The following TMEM232 variants were observed in gnomAD, a reference collection of about 807,000 sequenced individuals.
The protein encoded by TMEM232 is transmembrane protein 232.
Under a neutral mutation model 78.8 loss-of-function variants are expected in TMEM232, and 80 were observed. That is an observed-to-expected ratio of 1.01 (90% confidence interval 0.85 to 1.22). The LOEUF (loss-of-function observed/expected upper bound fraction) is 1.22. Among genes scored for constraint, TMEM232 ranks in the 50% most tolerant of loss-of-function variants. TMEM232 has a pLI of 0.00. For synonymous variants in TMEM232, 297 were observed against 254.3 expected (o/e 1.17, Z -1.60); for missense variants, 881 against 742.2 (o/e 1.19, Z -2.17).
At chr5:110,486,281 T>C (rs1251961672) in intron 12 of TMEM232, among the ~76,000 whole-genome samples, 3 of 152,302 alleles carry the variant, frequency 2.0e-5, no homozygotes, top group Non-Finnish European at 4.4e-5. Context: ...CTGTTTACTC[T>C]GCTGACTGTT....
At position 110,614,725 on chromosome 5, in the gene TMEM232, T is replaced by G. The variant is rs139229534; in HGVS notation, c.902+3704A>C. Among the ~76,000 whole-genome samples, 1,475 of 152,122 alleles carry G rather than the reference T, an allele frequency of 9.7e-3. 32 individuals carry two copies. The highest frequency in any genetic ancestry group is 0.033 in the African/African-American group (1,377 of 41,554). Reference sequence around the variant, plus strand: ...TTAAAATACAATTTCAGTTATGTTCTAAATCCAGTTAGAGTTTTCCAAGGG... The same window carrying G: ...TTAAAATACAATTTCAGTTATGTTCGAAATCCAGTTAGAGTTTTCCAAGGG... On this transcript the variant is annotated intron_variant, in intron 8 of 13. Transcript: ENST00000455884.
At chr5:110,628,860 T>C (rs1462953489) in intron 5 of TMEM232, 1 of 152,124 alleles carries the variant, frequency 6.6e-6, no homozygotes, top group Non-Finnish European at 1.5e-5. Context: ...CAGGAATGTA[T>C]GTATTGCTCC....
At chr5:110,472,993 G>C (rs1324044068) in intron 12 of TMEM232, among the ~76,000 whole-genome samples, 3 of 151,096 alleles carry the variant, frequency 2.0e-5, no homozygotes, top group Admixed American at 6.6e-5. Context: ...TAGAGTAAAT[G>C]CTATATAATA....
chr5:110,625,879 T>C lies in TMEM232; in HGVS notation c.602-446A>G, dbSNP rs1462493441. 2.6e-5 allele frequency among the ~76,000 whole-genome samples: 4 copies of C among 151,838 alleles called. 1 individual carries two copies. Among genetic ancestry groups the C allele is most frequent in the Non-Finnish European group, 5.9e-5 (4 of 67,848 alleles). On this transcript the variant is annotated intron_variant, in intron 6 of 13. Transcript: ENST00000455884. ...ATTTACAACAATATGTTGTAAATAA[T>C]AAAAACAAGATGTTATTATTTACAA...
intron 12 of TMEM232, among the ~76,000 whole-genome samples, chr5:110,492,632 T>C (rs944751029): frequency 1.3e-5 from 2 of 151,924 alleles, no homozygotes; most frequent in African/African-American, 4.8e-5. Context: ...ATTGCTTCCA[T>C]TCAAAATTTA....
chr5:110,604,216 A>G lies in TMEM232; in HGVS notation c.1276+893T>C, dbSNP rs964597305. On this transcript the variant is annotated intron_variant, in intron 10 of 13. Transcript: ENST00000455884. ...AATATATAAATTGCAATTATTTTTCACAATAAATCTGTAAAGTTTTTTTCA... is the reference window on the plus strand; with the variant it reads ...AATATATAAATTGCAATTATTTTTCGCAATAAATCTGTAAAGTTTTTTTCA... Among the ~76,000 whole-genome samples the G allele has an allele frequency of 1.7e-4, 26 of 152,186 alleles. 1 individual carries two copies. Among genetic ancestry groups the G allele is most frequent in the Admixed American group, 1.3e-3 (20 of 15,254 alleles).
At chr5:110,523,950 G>A (rs182201216) in intron 12 of TMEM232, among the ~76,000 whole-genome samples, 213 of 92,394 alleles carry the variant, frequency 2.3e-3, no homozygotes, top group Non-Finnish European at 3.4e-3. Context: ...CAAAGACTTG[G>A]TTTAAAAAAA....
intron 1 of TMEM232, among the ~76,000 whole-genome samples, chr5:110,668,478 G>A (rs1363093142): frequency 2.0e-5 from 3 of 152,144 alleles, no homozygotes; most frequent in African/African-American, 7.2e-5. Context: ...AAGTACAGGG[G>A]CAAAGTGAAG....
At chr5:110,605,461 T>C in intron 9 of TMEM232, 103 bp from the exon 10 acceptor site, 4 of 1,309,478 alleles carry the variant, frequency 3.1e-6, no homozygotes, top group Non-Finnish European at 2.0e-6. Context: ...AATAAACTAA[T>C]ATATCTAAAT....
At chr5:110,659,521 C>G (rs1789522077) in intron 2 of TMEM232, among the ~76,000 whole-genome samples, 3 of 151,848 alleles carry the variant, frequency 2.0e-5, no homozygotes, top group Non-Finnish European at 2.9e-5. Context: ...TCCTACTTCT[C>G]AAAAAACATG....
chr5:110,732,000 G>A (rs554189481), intron 2 of TMEM232, among the ~76,000 whole-genome samples: 52 of 152,034 alleles, frequency 3.4e-4, no homozygotes, highest in Non-Finnish European at 6.2e-4. Flanking sequence ...TGAATGCCTC[G>A]CTGCTTAGAA....
intron 1 of TMEM232, among the ~76,000 whole-genome samples, chr5:110,677,783 T>C (rs923725819): frequency 5.3e-5 from 8 of 152,198 alleles, no homozygotes; most frequent in Admixed American, 1.3e-4. Flanking sequence ...AAATTTAACA[T>C]TCTTAAATTG....
At chr5:110,599,758 C>T (rs756704165) in intron 10 of TMEM232, among the ~76,000 whole-genome samples, 10 of 152,152 alleles carry the variant, frequency 6.6e-5, no homozygotes, top group East Asian at 5.8e-4. Context: ...GACAGATCAA[C>T]GAGACAGGAA....
chr5:110,719,000 C>T (rs1458202066), intron 1 of TMEM232, among the ~76,000 whole-genome samples: 1 of 151,852 alleles, frequency 6.6e-6, no homozygotes, highest in African/African-American at 2.4e-5. Context: ...AGTTGTAAGG[C>T]GATTTTGCCA....
chr5:110,627,284 G>A (rs1245799743), intron 6 of TMEM232, among the ~76,000 whole-genome samples: 2 of 151,912 alleles, frequency 1.3e-5, no homozygotes, highest in African/African-American at 2.4e-5. Flanking sequence ...TGAAATTCAG[G>A]GAGGTAGATA....
chr5:110,550,435 A>G (rs1370179522), intron 11 of TMEM232, among the ~76,000 whole-genome samples: 1 of 152,152 alleles, frequency 6.6e-6, no homozygotes, highest in East Asian at 1.9e-4. Flanking sequence ...ATAAGATAAG[A>G]AAATGTAAAA....
At chr5:110,706,687 A>C (rs897341454) in intron 1 of TMEM232, among the ~76,000 whole-genome samples, 1 of 152,194 alleles carries the variant, frequency 6.6e-6, no homozygotes, top group African/African-American at 2.4e-5. Flanking sequence ...TCCTCAAGGC[A>C]TCTCAGCAAT....
In TMEM232 at chr5:110,532,697, T is replaced by C. The variant is rs373042792; in HGVS notation, c.1456-3862A>G. ...ACCCTTCCCAATCCAAAGCCTCCTT[T>C]GCATCCTCCTCTTGTATCCCCCCAC... On this transcript the variant is annotated intron_variant, in intron 11 of 13. Coordinates refer to ENST00000455884, the MANE Select transcript of TMEM232 (RefSeq NM_001039763.4). Among the ~76,000 whole-genome samples, 12 of 152,194 alleles carry C rather than the reference T, an allele frequency of 7.9e-5. 1 individual carries two copies. In the East Asian group the frequency reaches 1.2e-3, roughly 15 times the overall value.
At chr5:110,670,110 T>C (rs908684659) in intron 1 of TMEM232, among the ~76,000 whole-genome samples, 2 of 152,176 alleles carry the variant, frequency 1.3e-5, no homozygotes, top group African/African-American at 2.4e-5. Flanking sequence ...TTATTCAATA[T>C]AGTGTTGGAA....
Sources: gnomAD v4.1 joint callset for allele counts (sites outside exome capture counted in the v4.1 genomes callset) on GRCh38, gnomAD v4.1.1 for gene constraint, MANE v1.5 for transcripts, NCBI Gene and HGNC (gene_info 2026-07-23, HGNC 2026-07-21) for gene names.